FRYL: variants seen among roughly 807,000 people sequenced by gnomAD.
FRYL encodes the protein FRY like transcription coactivator.
In FRYL, 150 loss-of-function variants were observed where a neutral mutation model predicts 351.2. The observed-to-expected ratio is 0.43, with a 90% CI of 0.37 to 0.49. The LOEUF (loss-of-function observed/expected upper bound fraction) is 0.49, where lower values mean the gene tolerates loss of function less well. FRYL is among the 20% of genes least tolerant of loss of function. The pLI is 0.00. For synonymous variants in FRYL, 1,153 were observed against 1,257.1 expected (o/e 0.92, Z 1.75); for missense variants, 3,036 against 3,619.3 (o/e 0.84, Z 4.13).
At chr4:48,766,957 T>G (rs1026504634) in intron 1 of FRYL, among the ~76,000 whole-genome samples, 1 of 148,636 alleles carries the variant, frequency 6.7e-6, no homozygotes, top group African/African-American at 2.4e-5. Context: ...AAAAAACAGA[T>G]GAATGGATAA....
At chr4:48,671,252 A>G (rs1762614796) in intron 3 of FRYL, among the ~76,000 whole-genome samples, 1 of 152,220 alleles carries the variant, frequency 6.6e-6, no homozygotes, top group African/African-American at 2.4e-5. Flanking sequence ...GACTAACTAT[A>G]AAAATACCCA....
chr4:48,776,634 A>G (rs1210270464), intron 1 of FRYL, among the ~76,000 whole-genome samples: 2 of 152,188 alleles, frequency 1.3e-5, no homozygotes, highest in African/African-American at 4.8e-5. Flanking sequence ...ACAAAGAACA[A>G]TCACCTGGGA....
chr4:48,570,980 G>T, intron 26 of FRYL, 62 bp from the exon 27 acceptor site: 1 of 1,314,708 alleles, frequency 7.6e-7, no homozygotes, highest in Non-Finnish European at 1.1e-6. Context: ...AAAGAATAAT[G>T]TGACTGCCTC....
intron 24 of FRYL, among the ~76,000 whole-genome samples, chr4:48,575,591 T>G (rs1370720674): frequency 6.6e-6 from 1 of 152,250 alleles, no homozygotes; most frequent in East Asian, 1.9e-4. Context: ...TCAGACACGC[T>G]GGTCTTAAGT....
rs1280162530 is a variant in FRYL, at chr4:48,780,214, C to T, written c.-520G>A. 1 of 152,758 alleles carries T rather than the reference C, an allele frequency of 6.5e-6. No homozygotes were observed. The highest frequency in any genetic ancestry group is 1.9e-4 in the East Asian group (1 of 5,178). The allele number at this position is 152,758 out of a possible 1,614,324, so 9.5% of individuals were successfully genotyped here. A position where few individuals can be genotyped will look rare whatever the true frequency, so the allele number is the denominator to read the frequency against. The stretch of plus-strand genomic sequence containing the variant: ...CGATCGGAACCGATCTGTGGTTAAA[C>T]CTCCCTCCGACTCTGATTTTAACCG... On this transcript the variant is annotated 5_prime_UTR_variant, in exon 1 of 64. Coordinates refer to ENST00000358350, the MANE Select transcript of FRYL (RefSeq NM_015030.2).
intron 55 of FRYL, among the ~76,000 whole-genome samples, chr4:48,516,623 A>T (rs1181985732): frequency 6.6e-6 from 1 of 152,208 alleles, no homozygotes; most frequent in Non-Finnish European, 1.5e-5. Context: ...CTATAACCCT[A>T]GACTAGCCCA....
At chr4:48,553,419 A>G (rs752458028) in intron 35 of FRYL, 36 bp from the exon 36 acceptor site, 3 of 1,520,914 alleles carry the variant, frequency 2.0e-6, no homozygotes, top group African/African-American at 1.4e-5. Flanking sequence ...AAGAAAAAGC[A>G]AAGTTTTTAT....
At chr4:48,675,183 T>A (rs945936105) in intron 3 of FRYL, among the ~76,000 whole-genome samples, 2 of 152,188 alleles carry the variant, frequency 1.3e-5, no homozygotes, top group African/African-American at 4.8e-5. Context: ...GCGCTGGCAG[T>A]CCTCAGAGCC....
At chr4:48,672,670 C>A (rs1224709704) in intron 3 of FRYL, among the ~76,000 whole-genome samples, 1 of 152,184 alleles carries the variant, frequency 6.6e-6, no homozygotes, top group Non-Finnish European at 1.5e-5. Context: ...TGCCCAGCAA[C>A]CTTTTTTATC....
chr4:48,747,355 T>A (rs1772802465), intron 1 of FRYL, among the ~76,000 whole-genome samples: 1 of 152,202 alleles, frequency 6.6e-6, no homozygotes, highest in South Asian at 2.1e-4. Flanking sequence ...TGTCTGGAAA[T>A]ATTTTTCTCA....
At chr4:48,539,154 C>T (rs558243873) in intron 47 of FRYL, among the ~76,000 whole-genome samples, 1 of 152,104 alleles carries the variant, frequency 6.6e-6, no homozygotes, top group South Asian at 2.1e-4. Flanking sequence ...TTACAAACAG[C>T]TACACCACTG....
chr4:48,550,646 T>C lies in FRYL; in HGVS notation c.4579A>G (p.Arg1527Gly). ...LNSHLNRQHH[R>G]LESRYSSSSG... ...CTGCTACTGTATCGGGATTCTAGTC[T>C]GTGATGTTGCCGATTCAAATGACTG... Residue 1527 changes from arginine (R) to glycine (G), a missense_variant, in exon 38 of 64, where the codon AGA becomes GGA. Arg to Gly is a moderately radical substitution (Grantham distance 125). Coordinates refer to ENST00000358350, the MANE Select transcript of FRYL (RefSeq NM_015030.2). The C allele has an allele frequency of 6.2e-7, 1 of 1,614,152 alleles. No individual in the cohort carries two copies. The highest frequency in any genetic ancestry group is 8.5e-7 in the Non-Finnish European group (1 of 1,179,958).
At chr4:48,723,780 A>G (rs1243956115) in intron 1 of FRYL, among the ~76,000 whole-genome samples, 2 of 151,992 alleles carry the variant, frequency 1.3e-5, no homozygotes, top group Non-Finnish European at 2.9e-5. Context: ...CCACATAGTA[A>G]CCAGAATGAT....
chr4:48,777,558 T>C (rs754573603), intron 1 of FRYL, among the ~76,000 whole-genome samples: 2 of 152,210 alleles, frequency 1.3e-5, no homozygotes, highest in Non-Finnish European at 2.9e-5. Context: ...AATGTGTGCA[T>C]ATAAAACAAT....
intron 4 of FRYL, among the ~76,000 whole-genome samples, chr4:48,624,615 A>G (rs2149335147): frequency 6.6e-6 from 1 of 152,360 alleles, no homozygotes; most frequent in African/African-American, 2.4e-5. Context: ...AAGTGGGAGT[A>G]AAGAAAATCT....
At chr4:48,528,069 A>T in intron 51 of FRYL, 24 bp from the exon 52 acceptor site, 1 of 1,556,112 alleles carries the variant, frequency 6.4e-7, no homozygotes, top group East Asian at 2.3e-5. Flanking sequence ...AAAAATTAAA[A>T]TGTTAGGACT....
Position 48,528,052 on chromosome 4 carries a change from GAA to G in FRYL, c.7066-9_7066-8del, listed in dbSNP as rs571648621. 25 of 1,295,588 alleles carry G rather than the reference GAA, an allele frequency of 1.9e-5. No homozygotes were observed. The highest frequency in any genetic ancestry group is 3.1e-5 in the South Asian group (2 of 64,420). The allele number at this position is 1,295,588 out of a possible 1,614,324, so 80.3% of individuals were successfully genotyped here. A position where few individuals can be genotyped will look rare whatever the true frequency, so the allele number is the denominator to read the frequency against. ...GCTTTTCTCTTGTTCTTCGCTAAAG[GAA>G]AAAAAAAAATTAAAATGTTAGGACT... On this transcript the variant is annotated splice_polypyrimidine_tract_variant and splice_region_variant and intron_variant, in intron 51 of 63. Coordinates refer to ENST00000358350, the MANE Select transcript of FRYL (RefSeq NM_015030.2).
intron 3 of FRYL, among the ~76,000 whole-genome samples, chr4:48,651,340 T>TGTGTGTGTGTG (rs1757664743): frequency 8.8e-6 from 1 of 113,912 alleles, no homozygotes; most frequent in African/African-American, 3.2e-5. Flanking sequence ...TGTGTGTGTG[T>TGTGTGTGTGTG]AGTGGTAGAA....
intron 59 of FRYL, among the ~76,000 whole-genome samples, chr4:48,507,923 A>AC (rs554380872): frequency 1.6e-3 from 245 of 152,334 alleles, no homozygotes; most frequent in African/African-American, 5.8e-3. Context: ...CGCTGGTCTC[A>AC]CATTGCTGGG....
Sources: gnomAD v4.1 joint callset for allele counts (sites outside exome capture counted in the v4.1 genomes callset) on GRCh38, gnomAD v4.1.1 for gene constraint, MANE v1.5 for transcripts, NCBI Gene and HGNC (gene_info 2026-07-23, HGNC 2026-07-21) for gene names.